Variants in DOK7 observed in about 807,000 individuals in gnomAD.
DOK7 encodes protein Dok-7.
A neutral mutation model predicts 30.7 loss-of-function variants in DOK7; 32 were observed. That is an observed-to-expected ratio of 1.04 (90% CI 0.79 to 1.40). The LOEUF (loss-of-function observed/expected upper bound fraction) is 1.40, where lower values mean the gene tolerates loss of function less well. Among genes scored for constraint, DOK7 ranks in the 40% most tolerant of loss-of-function variants. The probability of loss-of-function intolerance (pLI) is 0.00; values close to 1 mark genes in which losing one functional copy is unlikely to be tolerated. For missense variants in DOK7, 1,007 were observed against 699.2 expected (o/e 1.44, Z -4.97); for synonymous variants, 447 against 324.1 (o/e 1.38, Z -4.07).
chr4:3,477,507 G>A (rs1385279396), intron 4 of DOK7, among the ~76,000 whole-genome samples: 1 of 152,270 alleles, frequency 6.6e-6, no homozygotes, highest in Non-Finnish European at 1.5e-5. Flanking sequence ...AGCCCATCTG[G>A]GTGCCACGTT....
downstream of DOK7, among the ~76,000 whole-genome samples, chr4:3,497,460 A>C (rs1424101769): frequency 6.6e-6 from 1 of 152,036 alleles, no homozygotes; most frequent in Non-Finnish European, 1.5e-5. Context: ...GGGTCTCCCT[A>C]GAGAAGCCTG....
chr4:3,474,157 G>A (rs1726934222), intron 3 of DOK7, among the ~76,000 whole-genome samples: 2 of 152,168 alleles, frequency 1.3e-5, no homozygotes, highest in South Asian at 4.1e-4. Flanking sequence ...GGTGCCTGGG[G>A]GCCTCTGGGG....
At chr4:3,485,707 TGC>T (rs1375258329) in intron 5 of DOK7, 49 bp downstream of exon 5, 1 of 1,477,594 alleles carries the variant, frequency 6.8e-7, no homozygotes, top group Middle Eastern at 1.8e-4. Flanking sequence ...CGGCAGGCTG[TGC>T]GACGTCCCGG....
chr4:3,501,037 C>A, exon 8 of DOK7: 3 of 740,632 alleles, frequency 4.1e-6, no homozygotes, highest in South Asian at 2.1e-5. Flanking sequence ...GGGGCTGACC[C>A]TTCGGCCTGA....
chr4:3,463,391 C>A lies in DOK7; in HGVS notation c.16C>A (p.Leu6Met). Reference sequence around the variant, plus strand: ...ATGACAGAAGATGACCGAGGCGGCGCTGGTGGAGGGCCAGGTCAAGCTGCG... The same window carrying A: ...ATGACAGAAGATGACCGAGGCGGCGATGGTGGAGGGCCAGGTCAAGCTGCG... MTEAALVEGQVKLRDG... is the reference protein window; with the variant it reads MTEAAMVEGQVKLRDG... Residue 6 changes from leucine to methionine, a missense_variant, in exon 1 of 7, where the codon CTG (leucine) becomes ATG (methionine). Transcript: ENST00000340083. The A allele has an allele frequency of 7.2e-7, 1 of 1,392,604 alleles. No individual in the cohort carries two copies. The highest frequency in any genetic ancestry group is 9.3e-7 in the Non-Finnish European group (1 of 1,075,768). The allele number at this position is 1,392,604 out of a possible 1,614,324, so 86.3% of individuals were successfully genotyped here.
At chr4:3,471,877 C>T (rs984981009) in intron 2 of DOK7, among the ~76,000 whole-genome samples, 27 of 152,376 alleles carry the variant, frequency 1.8e-4, no homozygotes, top group Non-Finnish European at 2.9e-4. Context: ...ACGTTTCAGA[C>T]GCTGCGGACA....
rs1577167129 is a variant in DOK7, at chr4:3,486,562, C to G, written c.652+904C>G. 3.3e-5 allele frequency among the ~76,000 whole-genome samples: 5 copies of G among 152,322 alleles called. 1 individual carries two copies. In the East Asian group the frequency reaches 9.7e-4, roughly 29 times the overall value. On this transcript the variant is annotated intron_variant, in intron 5 of 6. Coordinates refer to ENST00000340083, the MANE Select transcript of DOK7 (RefSeq NM_173660.5). ...GGCCACAGCCCCCAATGCCCCCTGC[C>G]CACACCAGCAAAGTCCCGTTGGGGG...
At chr4:3,467,746 C>T (rs956931985) in intron 2 of DOK7, among the ~76,000 whole-genome samples, 1 of 152,176 alleles carries the variant, frequency 6.6e-6, no homozygotes, top group South Asian at 2.1e-4. Flanking sequence ...CAGACGACAG[C>T]CAGTCACTGC....
At chr4:3,466,225 A>G (rs1726252855) in intron 2 of DOK7, among the ~76,000 whole-genome samples, 1 of 151,788 alleles carries the variant, frequency 6.6e-6, no homozygotes, top group Non-Finnish European at 1.5e-5. Flanking sequence ...AGCTGGCTGG[A>G]AGTTCCGCGC....
rs1399797343 is a variant in DOK7 at position 3,500,704 on chromosome 4, C to G, written c.1274C>G (p.Ser425Cys). The G allele has an allele frequency of 7.8e-6, 12 of 1,535,822 alleles. No homozygotes were observed. In the South Asian group the frequency reaches 1.3e-4, roughly 17 times the overall value. ...AGAATTCTTTCAGGGGCTGGCGCCT[C>G]CCTCTACGCCCAGATCGACATCATG... The change falls in exon 8 of 8, where the codon TCC (serine) becomes TGC (cysteine). Residue 425 changes from serine (S) to cysteine (C), a missense_variant. Ser to Cys is a moderately radical substitution (Grantham distance 112). Coordinates refer to the DOK7 transcript ENST00000643608.
At chr4:3,490,657 CTCAT>C (rs1276816973) in intron 6 of DOK7, among the ~76,000 whole-genome samples, 1 of 129,334 alleles carries the variant, frequency 7.7e-6, no homozygotes, top group Non-Finnish European at 1.6e-5. Context: ...TTCCCTCCTG[CTCAT>C]TCATTCCTCC....
At chr4:3,463,610 C>A in intron 2 of DOK7, 59 bp downstream of exon 2, 1 of 1,518,136 alleles carries the variant, frequency 6.6e-7, no homozygotes, top group Non-Finnish European at 8.8e-7. Context: ...TTACCGAGGC[C>A]CGGGGCAGTA....
intron 2 of DOK7, among the ~76,000 whole-genome samples, chr4:3,471,810 G>A (rs1002639538): frequency 6.6e-6 from 1 of 152,266 alleles, no homozygotes; most frequent in Non-Finnish European, 1.5e-5. Flanking sequence ...CTGTAGGTGC[G>A]GGAATGAGGG....
chr4:3,470,611 T>G (rs1726701618), intron 2 of DOK7, among the ~76,000 whole-genome samples: 1 of 152,200 alleles, frequency 6.6e-6, no homozygotes, highest in African/African-American at 2.4e-5. Flanking sequence ...GAAGCCGTCG[T>G]GGCAAATTCA....
At chr4:3,497,597 G>A (rs985718602), downstream of DOK7, among the ~76,000 whole-genome samples, 3 of 152,116 alleles carry the variant, frequency 2.0e-5, no homozygotes, top group Non-Finnish European at 2.9e-5. Flanking sequence ...TGTGGAGTAG[G>A]AGCCACTGCG....
chr4:3,494,280 A>G lies in DOK7; in HGVS notation c.*779A>G. ...GCTTGGCCTGTGTTTCCCCTGGCCCAGGCCTCAGCCCCTGCGTCGGAGGTG... is the reference window on the plus strand; with the variant it reads ...GCTTGGCCTGTGTTTCCCCTGGCCCGGGCCTCAGCCCCTGCGTCGGAGGTG... On this transcript the variant is annotated 3_prime_UTR_variant, in exon 7 of 7. Transcript: ENST00000340083. The G allele has an allele frequency of 1.0e-6, 1 of 985,562 alleles. No homozygotes were observed. Among genetic ancestry groups the G allele is most frequent in the East Asian group, 1.1e-4 (1 of 8,802 alleles). The allele number at this position is 985,562 out of a possible 1,614,324, so 61.1% of individuals were successfully genotyped here.
At chr4:3,481,476 G>A (rs1452173640) in intron 4 of DOK7, among the ~76,000 whole-genome samples, 1 of 152,080 alleles carries the variant, frequency 6.6e-6, no homozygotes, top group Non-Finnish European at 1.5e-5. Flanking sequence ...CTGGACTGGG[G>A]CTGCTTCAGG....
intron 2 of DOK7, among the ~76,000 whole-genome samples, chr4:3,469,753 C>T (rs1726645097): frequency 1.3e-5 from 2 of 152,218 alleles, no homozygotes; most frequent in Admixed American, 1.3e-4. Flanking sequence ...TCTCTGGTAC[C>T]AGTTCCTGCA....
intron 5 of DOK7, among the ~76,000 whole-genome samples, chr4:3,487,596 G>C (rs143918963): frequency 1.3e-5 from 2 of 152,216 alleles, no homozygotes; most frequent in African/African-American, 4.8e-5. Context: ...CGAGTATGGC[G>C]TGCATGTTAC....
Sources: allele counts gnomAD v4.1 joint callset (sites outside exome capture counted in the v4.1 genomes callset), GRCh38; gene constraint gnomAD v4.1.1; transcripts MANE v1.5; gene names NCBI Gene and HGNC (gene_info 2026-07-23, HGNC 2026-07-21).